Variants in ATP8A1 observed in about 807,000 individuals in gnomAD.
ATP8A1 encodes the protein ATPase phospholipid transporting 8A1, also known as phospholipid-transporting ATPase IA.
Under a neutral mutation model 177.7 loss-of-function variants are expected in ATP8A1, and 90 were observed. The ratio of observed to expected loss-of-function variants is 0.51; its 90% CI spans 0.43 to 0.60. The LOEUF (loss-of-function observed/expected upper bound fraction) is 0.60. ATP8A1 is among the 20% of genes least tolerant of loss of function. The pLI is 0.00. For synonymous variants in ATP8A1, 493 were observed against 485.9 expected, an observed-to-expected ratio of 1.01 and a Z score of -0.19; for missense variants, 1,072 against 1,392.8, an observed-to-expected ratio of 0.77 and a Z score of 3.67.
intron 25 of ATP8A1, among the ~76,000 whole-genome samples, chr4:42,473,504 T>C (rs528920185): frequency 6.6e-6 from 1 of 152,184 alleles, no homozygotes; most frequent in Non-Finnish European, 1.5e-5. Context: ...AGCTCTACCC[T>C]GTTGTGAGCT....
At chr4:42,644,558 A>G (rs183060229) in intron 1 of ATP8A1, among the ~76,000 whole-genome samples, 8 of 152,372 alleles carry the variant, frequency 5.3e-5, no homozygotes, top group Admixed American at 1.3e-4. Context: ...GATGAGAACT[A>G]TAAAATAAAC....
intron 8 of ATP8A1, among the ~76,000 whole-genome samples, chr4:42,587,645 C>T (rs538082445): frequency 3.4e-5 from 5 of 147,802 alleles, no homozygotes; most frequent in Admixed American, 6.8e-5. Context: ...CTCGCTCTGT[C>T]GCCCAGGCTG....
intron 12 of ATP8A1, 110 bp from the exon 13 acceptor site, chr4:42,575,809 G>A: frequency 2.2e-6 from 2 of 900,212 alleles, no homozygotes; most frequent in African/African-American, 1.7e-5. Flanking sequence ...ACTGTTTGAT[G>A]AACTATATGT....
intron 22 of ATP8A1, among the ~76,000 whole-genome samples, chr4:42,509,178 C>A (rs1724739442): frequency 6.6e-6 from 1 of 152,180 alleles, no homozygotes; most frequent in Admixed American, 6.5e-5. Context: ...TGACCTCTCC[C>A]AATGTCCCAA....
intron 24 of ATP8A1, among the ~76,000 whole-genome samples, chr4:42,493,421 T>C (rs1265675388): frequency 6.6e-6 from 1 of 152,222 alleles, no homozygotes; most frequent in Non-Finnish European, 1.5e-5. Context: ...TTTCAACCAC[T>C]TACTTAAGAC....
chr4:42,433,865 A>AAC (rs1715600774), intron 33 of ATP8A1, among the ~76,000 whole-genome samples: 1 of 151,884 alleles, frequency 6.6e-6, no homozygotes, highest in Non-Finnish European at 1.5e-5. Context: ...ATAAAAAAAA[A>AAC]AAACGATTAA....
intron 14 of ATP8A1, among the ~76,000 whole-genome samples, chr4:42,572,541 G>A (rs1732011699): frequency 6.6e-6 from 1 of 152,122 alleles, no homozygotes; most frequent in African/African-American, 2.4e-5. Flanking sequence ...GATGTGTTTG[G>A]GAGGGAACAC....
At chr4:42,548,205 G>A (rs201186257) in intron 19 of ATP8A1, among the ~76,000 whole-genome samples, 3 of 152,080 alleles carry the variant, frequency 2.0e-5, no homozygotes, top group Non-Finnish European at 4.4e-5. Context: ...ACAAGAATAC[G>A]GTTTTTCAAA....
chr4:42,431,867 G>C (rs1028894182), intron 33 of ATP8A1, among the ~76,000 whole-genome samples: 6 of 152,066 alleles, frequency 3.9e-5, no homozygotes, highest in Admixed American at 3.9e-4. Context: ...GGTCTTCTCA[G>C]GAAGCATCTT....
At chr4:42,451,512 G>A (rs1481004121) in intron 30 of ATP8A1, among the ~76,000 whole-genome samples, 2 of 152,014 alleles carry the variant, frequency 1.3e-5, no homozygotes, top group African/African-American at 2.4e-5. Flanking sequence ...CCCTCAAAAT[G>A]AGCAGAGTAA....
chr4:42,545,357 C>T (rs1159240109), intron 19 of ATP8A1, among the ~76,000 whole-genome samples: 1 of 152,022 alleles, frequency 6.6e-6, no homozygotes, highest in African/African-American at 2.4e-5. Flanking sequence ...TAATGTGGTC[C>T]CAAACTCATC....
rs767188725 is a variant in ATP8A1 at position 42,575,675 on chromosome 4, T to A, written c.1153A>T (p.Thr385Ser). ...GTTCGAGCCATAGCAGCAGTGTCTG[T>A]GGGTTCATAGTGCATGTCAAGATCC... ...NWDLDMHYEP[T>S]DTAAMARTSN... Residue 385 changes from threonine to serine, a missense_variant, in exon 13 of 37, where the codon ACA (threonine) becomes TCA (serine). Thr to Ser is a moderately conservative substitution (Grantham distance 58). Coordinates refer to ENST00000381668, the MANE Select transcript of ATP8A1 (RefSeq NM_006095.2). 4 of 1,613,518 alleles carry A rather than the reference T, an allele frequency of 2.5e-6. No homozygotes were observed. In the African/African-American group the frequency reaches 4.0e-5, roughly 16 times the overall value.
At chr4:42,636,154 A>ACGCGCGCGCGCGCG (rs765930469) in intron 1 of ATP8A1, among the ~76,000 whole-genome samples, 1 of 47,540 alleles carries the variant, frequency 2.1e-5, no homozygotes, top group Non-Finnish European at 7.2e-5. Flanking sequence ...ACACACACAC[A>ACGCGCGCGCGCGCG]CACGCACACA....
At chr4:42,577,646 A>C (rs772611898) in intron 12 of ATP8A1, among the ~76,000 whole-genome samples, 17 of 152,162 alleles carry the variant, frequency 1.1e-4, no homozygotes, top group Non-Finnish European at 2.2e-4. Context: ...ACATTTAAAA[A>C]CATTTAGAAA....
intron 30 of ATP8A1, among the ~76,000 whole-genome samples, chr4:42,446,854 G>A (rs1388611252): frequency 6.0e-5 from 9 of 150,198 alleles, no homozygotes; most frequent in African/African-American, 1.7e-4. Context: ...CATTGAAGAA[G>A]GAAATCCGAC....
At chr4:42,479,302 C>T (rs1721413640) in intron 25 of ATP8A1, among the ~76,000 whole-genome samples, 1 of 152,204 alleles carries the variant, frequency 6.6e-6, no homozygotes, top group Non-Finnish European at 1.5e-5. Flanking sequence ...TGTCCCTGCA[C>T]AGAAAATATA....
Position 42,451,872 on chromosome 4 carries a change from G to T in ATP8A1, c.2896+109C>A, listed in dbSNP as rs548562757. ...TGGGTGCATGCATTTTAGGTTAAGA[G>T]AAATATCATACAATGAAACTGCTAT... On this transcript the variant is annotated intron_variant, in intron 30 of 36. Transcript: ENST00000381668. 3.1e-4 allele frequency: 230 copies of T among 752,478 alleles called. No individual in the cohort carries two copies. In the African/African-American group the frequency reaches 3.9e-3, roughly 13 times the overall value. 46.6% of individuals were successfully genotyped at this position (752,478 alleles called of 1,614,324 possible). A position where few individuals can be genotyped will look rare whatever the true frequency, so the allele number is the denominator to read the frequency against.
At chr4:42,636,538 G>A (rs1353765935) in intron 1 of ATP8A1, among the ~76,000 whole-genome samples, 1 of 152,108 alleles carries the variant, frequency 6.6e-6, no homozygotes, top group Non-Finnish European at 1.5e-5. Flanking sequence ...ACCCTTAAAA[G>A]CATGGAAATT....
rs1207492516 is a variant in ATP8A1, at chr4:42,412,874, T to C, written c.*42A>G. ...GACTGCGGTGACAACCTGGTAGCTC[T>C]CCTTAGAGAGGTAACAGAGCCTGCC... On this transcript the variant is annotated 3_prime_UTR_variant, in exon 37 of 37. Coordinates refer to ENST00000381668, the MANE Select transcript of ATP8A1 (RefSeq NM_006095.2). 10 of 1,570,984 alleles carry C rather than the reference T, an allele frequency of 6.4e-6. No homozygotes were observed. The highest frequency in any genetic ancestry group is 8.8e-6 in the Non-Finnish European group (10 of 1,142,786).
Sources: gnomAD v4.1 joint callset for allele counts (sites outside exome capture counted in the v4.1 genomes callset) on GRCh38, gnomAD v4.1.1 for gene constraint, MANE v1.5 for transcripts, NCBI Gene and HGNC (gene_info 2026-07-23, HGNC 2026-07-21) for gene names.